The following MOB3B variants were observed in gnomAD, a reference collection of about 807,000 sequenced individuals.
The protein encoded by MOB3B is MOB kinase activator 3B.
MOB3B carries 7 observed loss-of-function variants against 18.7 expected under a neutral mutation model. That is an observed-to-expected ratio of 0.37 (90% confidence interval 0.21 to 0.70). The LOEUF is 0.70. Ranked by LOEUF, MOB3B falls within the 30% of genes least tolerant of loss-of-function variation. The probability of loss-of-function intolerance (pLI) is 0.52; values close to 1 mark genes in which losing one functional copy is unlikely to be tolerated. For synonymous variants in MOB3B, 111 were observed against 99.9 expected (o/e 1.11, Z -0.66); for missense variants, 253 against 281.3 (o/e 0.90, Z 0.72).
intron 1 of MOB3B, among the ~76,000 whole-genome samples, chr9:27,489,739 A>ATTTTTTTTTTTTT (rs1554652743): frequency 9.9e-5 from 1 of 10,066 alleles, no homozygotes; most frequent in Non-Finnish European, 3.5e-4. Context: ...TAAGGAAATA[A>ATTTTTTTTTTTTT]TCTTTTTTTT....
chr9:27,340,719 T>G (rs2131338125), intron 3 of MOB3B, among the ~76,000 whole-genome samples: 1 of 152,332 alleles, frequency 6.6e-6, no homozygotes, highest in South Asian at 2.1e-4. Context: ...CTGCTCAGAC[T>G]GATGCTACCT....
At position 27,472,209 on chromosome 9, in the gene MOB3B, GT is replaced by G. The variant is rs1183175582; in HGVS notation, c.-198-16462del. Among the ~76,000 whole-genome samples, 4 of 145,744 alleles carry G rather than the reference GT, an allele frequency of 2.7e-5. No homozygotes were observed. The Admixed American group carries it at 2.7e-4, about 10-fold the overall frequency. On this transcript the variant is annotated intron_variant, in intron 1 of 3. Coordinates refer to ENST00000262244, the MANE Select transcript of MOB3B (RefSeq NM_024761.5). ...GTTTTATTCTTTGGGTAGTTTATTT[GT>G]TTTTCCCACACTATTTTTTTTTTAA...
chr9:27,331,181 C>T (rs1008494009), intron 3 of MOB3B, among the ~76,000 whole-genome samples: 1 of 152,190 alleles, frequency 6.6e-6, no homozygotes, highest in Non-Finnish European at 1.5e-5. Context: ...TGACATGCGT[C>T]ACCTGCCTGG....
At chr9:27,524,591 G>A in intron 1 of MOB3B, 4 of 1,614,106 alleles carry the variant, frequency 2.5e-6, no homozygotes, top group Non-Finnish European at 3.4e-6. Flanking sequence ...ACATCAAGAA[G>A]GCCTTCTATG....
chr9:27,524,169 AAAG>A, intron 1 of MOB3B: 8 of 520,184 alleles, frequency 1.5e-5, no homozygotes, highest in South Asian at 5.3e-5. Flanking sequence ...AAAAAAAAAA[AAAG>A]CCTCAGAGGC....
rs937938099 is a variant in MOB3B at position 27,520,064 on chromosome 9, T to C, written c.-199+9491A>G. Among the ~76,000 whole-genome samples the C allele has an allele frequency of 4.2e-4, 64 of 152,302 alleles. 1 individual carries two copies. Among genetic ancestry groups the C allele is most frequent in the African/African-American group, 1.5e-3 (64 of 41,564 alleles). Reference sequence around the variant, plus strand: ...AAATGGAACAATGTACTTTCAAGAATTGAGTAATATGGATGATCAATGTGT... The same window carrying C: ...AAATGGAACAATGTACTTTCAAGAACTGAGTAATATGGATGATCAATGTGT... On this transcript the variant is annotated intron_variant, in intron 1 of 3. Transcript: ENST00000262244.
At chr9:27,476,227 G>A (rs1004800480) in intron 1 of MOB3B, among the ~76,000 whole-genome samples, 5 of 152,210 alleles carry the variant, frequency 3.3e-5, no homozygotes, top group Admixed American at 3.3e-4. Context: ...TCAAAACTAG[G>A]TGGCTTAAAG....
At chr9:27,418,575 A>G (rs978971813) in intron 2 of MOB3B, among the ~76,000 whole-genome samples, 2 of 152,226 alleles carry the variant, frequency 1.3e-5, no homozygotes, top group Admixed American at 1.3e-4. Flanking sequence ...AGAATTAAAA[A>G]CAAAAATCAT....
intron 1 of MOB3B, 132 bp downstream of exon 1, chr9:27,529,423 C>A: frequency 2.2e-6 from 1 of 453,978 alleles, no homozygotes; most frequent in Non-Finnish European, 2.9e-6. Context: ...AAGACCGGTC[C>A]GCCGCCTCCC....
intron 2 of MOB3B, among the ~76,000 whole-genome samples, chr9:27,361,422 CAGA>C (rs1277088903): frequency 2.0e-5 from 3 of 152,206 alleles, no homozygotes; most frequent in Non-Finnish European, 4.4e-5. Context: ...GGGATGGGGA[CAGA>C]AGAAGGAGAA....
At chr9:27,330,835 A>T (rs938594264) in intron 3 of MOB3B, among the ~76,000 whole-genome samples, 2 of 151,974 alleles carry the variant, frequency 1.3e-5, no homozygotes, top group Non-Finnish European at 2.9e-5. Context: ...TGACTCATGT[A>T]TCAAAATTCA....
At chr9:27,473,968 G>T (rs1819513733) in intron 1 of MOB3B, among the ~76,000 whole-genome samples, 1 of 152,176 alleles carries the variant, frequency 6.6e-6, no homozygotes, top group South Asian at 2.1e-4. Context: ...AGGGACCCCA[G>T]AAAGCTTTCT....
chr9:27,519,301 G>C (rs1235298859), intron 1 of MOB3B, among the ~76,000 whole-genome samples: 1 of 152,152 alleles, frequency 6.6e-6, no homozygotes, highest in Non-Finnish European at 1.5e-5. Context: ...GCGAGGTCTG[G>C]TGAGCCATTT....
chr9:27,407,750 G>A (rs1822004259), intron 2 of MOB3B, among the ~76,000 whole-genome samples: 1 of 152,274 alleles, frequency 6.6e-6, no homozygotes, highest in South Asian at 2.1e-4. Context: ...GAGGCTATCT[G>A]GGCACTGGGA....
intron 2 of MOB3B, among the ~76,000 whole-genome samples, chr9:27,395,994 G>A (rs1821791709): frequency 6.6e-6 from 1 of 152,166 alleles, no homozygotes; most frequent in Non-Finnish European, 1.5e-5. Context: ...TGGGAGCTTT[G>A]AGGACGGGGG....
At chr9:27,521,050 T>C (rs1458223390) in intron 1 of MOB3B, among the ~76,000 whole-genome samples, 1 of 152,118 alleles carries the variant, frequency 6.6e-6, no homozygotes, top group African/African-American at 2.4e-5. Context: ...TCTATTAACG[T>C]TTACAGAACA....
chr9:27,340,776 T>G (rs1353386486), intron 3 of MOB3B, among the ~76,000 whole-genome samples: 1 of 152,226 alleles, frequency 6.6e-6, no homozygotes, highest in East Asian at 1.9e-4. Context: ...CACTGAGATC[T>G]CTGACATTTG....
chr9:27,337,721 A>G (rs1341196585), intron 3 of MOB3B, among the ~76,000 whole-genome samples: 1 of 152,216 alleles, frequency 6.6e-6, no homozygotes, highest in Non-Finnish European at 1.5e-5. Flanking sequence ...GACTGTAGAC[A>G]GGGACAGCAA....
In MOB3B at chr9:27,498,075, T is replaced by A. The variant is rs1587259243; in HGVS notation, c.-199+31480A>T. 2.0e-5 allele frequency among the ~76,000 whole-genome samples: 3 copies of A among 152,030 alleles called. No individual in the cohort carries two copies. The South Asian group carries it at 6.2e-4, about 32-fold the overall frequency. On this transcript the variant is annotated intron_variant, in intron 1 of 3. Transcript: ENST00000262244. ...TCATTTGACAGCTGCCAACTCCCCC[T>A]CCCTGCACTGTCACTTCCCGGCTGC...
Sources: gnomAD v4.1 joint callset for allele counts (sites outside exome capture counted in the v4.1 genomes callset) on GRCh38, gnomAD v4.1.1 for gene constraint, MANE v1.5 for transcripts, NCBI Gene and HGNC (gene_info 2026-07-23, HGNC 2026-07-21) for gene names.